Variants in EXOSC10 observed in about 807,000 individuals in gnomAD.
The protein encoded by EXOSC10 is exosome complex component 10.
A neutral mutation model predicts 126.6 loss-of-function variants in EXOSC10; 94 were observed. The observed-to-expected ratio is 0.74, with a 90% CI of 0.63 to 0.88. The LOEUF (loss-of-function observed/expected upper bound fraction) is 0.88, where lower values mean the gene tolerates loss of function less well. EXOSC10 is among the 40% of genes least tolerant of loss of function. The pLI is 0.00. For synonymous variants in EXOSC10, 395 were observed against 400.8 expected (o/e 0.99, Z 0.17); for missense variants, 1,041 against 1,100.5 (o/e 0.95, Z 0.77).
intron 3 of EXOSC10, among the ~76,000 whole-genome samples, chr1:11,094,271 C>G (rs1294818441): frequency 6.6e-6 from 1 of 151,860 alleles, no homozygotes; most frequent in African/African-American, 2.4e-5. Flanking sequence ...AGCCACTGAC[C>G]CTGGCCAGAA....
rs751633233 is a variant in EXOSC10 at position 11,082,684 on chromosome 1, T to C, written c.1280+4A>G. The C allele has an allele frequency of 1.2e-6, 2 of 1,614,066 alleles. No homozygotes were observed. Among genetic ancestry groups the C allele is most frequent in the Non-Finnish European group, 1.7e-6 (2 of 1,179,918 alleles). Reference sequence around the variant, plus strand: ...CCACATTTCCTCAGTAAGAGCAAACTGACCGTATTCTCCAATCAGCCAGCT... The same window carrying C: ...CCACATTTCCTCAGTAAGAGCAAACCGACCGTATTCTCCAATCAGCCAGCT... On this transcript the variant is annotated splice_donor_region_variant and intron_variant, in intron 10 of 24. Transcript: ENST00000376936.
At chr1:11,093,839 G>C (rs371356699) in intron 3 of EXOSC10, among the ~76,000 whole-genome samples, 4 of 152,136 alleles carry the variant, frequency 2.6e-5, no homozygotes, top group African/African-American at 7.2e-5. Flanking sequence ...GCTGAGGTGG[G>C]GGGGGATTGT....
At chr1:11,078,546 C>T (rs1383090262) in intron 14 of EXOSC10, among the ~76,000 whole-genome samples, 4 of 152,054 alleles carry the variant, frequency 2.6e-5, no homozygotes, top group Admixed American at 6.6e-5. Context: ...CGTGAGCCAC[C>T]GCGCCCGGCT....
intron 12 of EXOSC10, 53 bp downstream of exon 12, chr1:11,080,711 A>C: frequency 6.2e-7 from 1 of 1,607,922 alleles, no homozygotes; most frequent in East Asian, 2.2e-5. Flanking sequence ...TTTACTTGTT[A>C]TTAGATCTCC....
chr1:11,091,843 A>G (rs1270296204), intron 3 of EXOSC10, among the ~76,000 whole-genome samples: 1 of 152,022 alleles, frequency 6.6e-6, no homozygotes, highest in African/African-American at 2.4e-5. Flanking sequence ...GGTGTGCACC[A>G]CCATACCTGG....
Position 11,074,318 on chromosome 1 carries a change from A to T in EXOSC10, c.1995T>A (p.Ser665Arg), listed in dbSNP as rs199827455. The T allele has an allele frequency of 6.2e-7, 1 of 1,613,600 alleles. No homozygotes were observed. The highest frequency in any genetic ancestry group is 1.3e-5 in the African/African-American group (1 of 74,932). ...ATGGACCCTTTTTACTGTCTTCAGC[A>T]CTAGGTTCCTGCAGGGACAGACAAA... ...TAVITLFNEPSAEDSKKGPLT... is the reference protein window; with the variant it reads ...TAVITLFNEPRAEDSKKGPLT... The change falls in exon 18 of 25, where the codon AGT becomes AGA. Residue 665 changes from serine to arginine, a missense_variant. Ser to Arg is a moderately radical substitution (Grantham distance 110). Around this residue, in one of 3 missense-constraint regions of EXOSC10, gnomAD observed 388 missense variants for 415.2 expected, o/e 0.93. Transcript: ENST00000376936.
At chr1:11,083,601 G>GA (rs1640307426) in intron 9 of EXOSC10, among the ~76,000 whole-genome samples, 1 of 145,532 alleles carries the variant, frequency 6.9e-6, no homozygotes, top group African/African-American at 2.6e-5. Flanking sequence ...TATATGCAGG[G>GA]TTTTTTTTAA....
chr1:11,085,891 G>C lies in EXOSC10; in HGVS notation c.1089+1557C>G, dbSNP rs150958351. On this transcript the variant is annotated intron_variant, in intron 9 of 24. Transcript: ENST00000376936. ...CTATTGAGATAATCACGTGGTTTTTGTCTTTGGTTCTGTTTATACGCTGCA... is the reference window on the plus strand; with the variant it reads ...CTATTGAGATAATCACGTGGTTTTTCTCTTTGGTTCTGTTTATACGCTGCA... Among the ~76,000 whole-genome samples the C allele has an allele frequency of 8.1e-3, 1,235 of 152,260 alleles. 28 individuals are homozygous for C. Among genetic ancestry groups the C allele is most frequent in the Non-Finnish European group, 6.8e-3 (462 of 68,018 alleles).
intron 20 of EXOSC10, 196 bp from the exon 21 acceptor site, chr1:11,071,169 G>A: frequency 3.4e-6 from 2 of 579,994 alleles, no homozygotes; most frequent in Non-Finnish European, 3.1e-6. Context: ...CCCACCTTCA[G>A]CTACACGTGA....
chr1:11,067,202 C>A (rs1283917784), intron 24 of EXOSC10, among the ~76,000 whole-genome samples: 1 of 152,090 alleles, frequency 6.6e-6, no homozygotes. Context: ...GAGGCCGAGG[C>A]GGGCGGATCA....
At chr1:11,074,660 G>A (rs1408357721) in intron 17 of EXOSC10, among the ~76,000 whole-genome samples, 13 of 152,116 alleles carry the variant, frequency 8.5e-5, no homozygotes, top group Admixed American at 4.6e-4. Flanking sequence ...TGGTCCACCC[G>A]CCTTGGCTTC....
At chr1:11,067,757 AG>A (rs1639191105) in intron 24 of EXOSC10, among the ~76,000 whole-genome samples, 1 of 152,196 alleles carries the variant, frequency 6.6e-6, no homozygotes, top group Non-Finnish European at 1.5e-5. Context: ...CGGTAACTAG[AG>A]AGCCAGGAAC....
intron 9 of EXOSC10, among the ~76,000 whole-genome samples, chr1:11,083,743 C>A (rs1207944639): frequency 1.3e-5 from 2 of 152,024 alleles, no homozygotes; most frequent in Non-Finnish European, 1.5e-5. Flanking sequence ...CATCATCTAG[C>A]ATTAGGTATA....
Position 11,066,775 on chromosome 1 carries a change from A to T in EXOSC10, c.2628-27T>A, listed in dbSNP as rs745326210. 3 of 1,613,706 alleles carry T rather than the reference A, an allele frequency of 1.9e-6. No individual in the cohort carries two copies. The South Asian group carries it at 3.3e-5, about 18-fold the overall frequency. ...TGCAGAGAGTACAAAAACAACAGTTATTTCTTCCGGGCTGGTTGGATGTTC... is the reference window on the plus strand; with the variant it reads ...TGCAGAGAGTACAAAAACAACAGTTTTTTCTTCCGGGCTGGTTGGATGTTC... On this transcript the variant is annotated intron_variant, in intron 24 of 24. Coordinates refer to ENST00000376936, the MANE Select transcript of EXOSC10 (RefSeq NM_001001998.3).
chr1:11,069,259 G>GAGAGAGAGAGAGAGAGAGA lies in EXOSC10; in HGVS notation c.2488+299_2488+300insTCTCTCTCTCTCTCTCTCT, dbSNP rs1553164212. On this transcript the variant is annotated intron_variant, in intron 22 of 24. Coordinates refer to ENST00000376936, the MANE Select transcript of EXOSC10 (RefSeq NM_001001998.3). ...TGTGTGTGTGTGAGAGAGAGAGAGAGGGTTTATGGGCACAAGTTATAGTGA... is the reference window on the plus strand; with the variant it reads ...TGTGTGTGTGTGAGAGAGAGAGAGAGAGAGAGAGAGAGAGAGAGAGGTTTATGGGCACAAGTTATAGTGA... 3.2e-4 allele frequency among the ~76,000 whole-genome samples: 43 copies of GAGAGAGAGAGAGAGAGAGA among 132,450 alleles called. 4 individuals are homozygous for GAGAGAGAGAGAGAGAGAGA. Among genetic ancestry groups the GAGAGAGAGAGAGAGAGAGA allele is most frequent in the South Asian group, 1.0e-3 (4 of 3,810 alleles). The allele number at this position is 132,450 out of a possible 152,430, so 86.9% of individuals were successfully genotyped here.
At chr1:11,084,721 T>C (rs958900975) in intron 9 of EXOSC10, among the ~76,000 whole-genome samples, 39 of 152,210 alleles carry the variant, frequency 2.6e-4, no homozygotes, top group Non-Finnish European at 4.9e-4. Context: ...CTGAATGGTA[T>C]TGCCTAGGTT....
chr1:11,067,242 T>G (rs1456393048), intron 24 of EXOSC10, among the ~76,000 whole-genome samples: 1 of 152,104 alleles, frequency 6.6e-6, no homozygotes, highest in South Asian at 2.1e-4. Context: ...CCATCCTGGC[T>G]AACATGGTGA....
intron 3 of EXOSC10, chr1:11,095,516 A>G: frequency 3.1e-6 from 1 of 324,802 alleles, no homozygotes; most frequent in Admixed American, 4.0e-5. Flanking sequence ...GATCGAGACC[A>G]TCCTGGCTAA....
chr1:11,071,743 T>A, intron 20 of EXOSC10: 1 of 209,406 alleles, frequency 4.8e-6, no homozygotes, highest in Non-Finnish European at 9.6e-6. Context: ...TTGCTGCTGC[T>A]CAGCATGCCC....
Sources: allele counts gnomAD v4.1 joint callset (sites outside exome capture counted in the v4.1 genomes callset), GRCh38; gene constraint gnomAD v4.1.1; regional missense constraint gnomAD v4.1.1; transcripts MANE v1.5; gene names NCBI Gene and HGNC (gene_info 2026-07-23, HGNC 2026-07-21).